SEMA3E: variants seen among roughly 807,000 people sequenced by gnomAD.
SEMA3E encodes the protein semaphorin 3E.
Under a neutral mutation model 93.6 loss-of-function variants are expected in SEMA3E, and 49 were observed. The observed-to-expected ratio is 0.52, with a 90% CI of 0.42 to 0.66. The LOEUF is 0.66. Ranked by LOEUF, SEMA3E falls within the 30% of genes least tolerant of loss-of-function variation. The pLI, the probability that SEMA3E is intolerant of heterozygous loss-of-function variation, is 0.00. For missense variants in SEMA3E, 906 were observed against 964.8 expected, an observed-to-expected ratio of 0.94 and a Z score of 0.81; for synonymous variants, 363 against 330.7, an observed-to-expected ratio of 1.10 and a Z score of -1.06.
intron 5 of SEMA3E, among the ~76,000 whole-genome samples, chr7:83,417,410 A>G (rs2115690275): frequency 6.6e-6 from 1 of 152,262 alleles, no homozygotes; most frequent in South Asian, 2.1e-4. Context: ...ATATGGTTTA[A>G]TCATCAGGAG....
At chr7:83,520,907 A>G (rs1039909643) in intron 1 of SEMA3E, among the ~76,000 whole-genome samples, 2 of 152,180 alleles carry the variant, frequency 1.3e-5, no homozygotes, top group African/African-American at 4.8e-5. Context: ...GGCTCCCAAT[A>G]GCAATCTGCC....
chr7:83,527,639 G>C (rs908658463), intron 1 of SEMA3E, among the ~76,000 whole-genome samples: 1 of 152,002 alleles, frequency 6.6e-6, no homozygotes, highest in African/African-American at 2.4e-5. Context: ...ATCAGCTTTG[G>C]GGTTTCAATA....
At chr7:83,624,933 C>A (rs570140907) in intron 1 of SEMA3E, among the ~76,000 whole-genome samples, 1 of 152,188 alleles carries the variant, frequency 6.6e-6, no homozygotes, top group South Asian at 2.1e-4. Flanking sequence ...AGTTTCAGTT[C>A]TCTGCATATA....
In SEMA3E at chr7:83,405,967, A is replaced by T. The variant is rs371575440; in HGVS notation, c.906T>A (p.Ile302=). 2 of 1,612,612 alleles carry T rather than the reference A, an allele frequency of 1.2e-6. No homozygotes were observed. Among genetic ancestry groups the T allele is most frequent in the African/African-American group, 2.7e-5 (2 of 74,988 alleles). ...TACCTAATTCATCAAAATATGTGTC[A>T]ATTCCATTCATTCCTGGTACTGAGC... ...LVCSVPGMNG[I]DTYFDELEDV... is the part of the protein sequence containing the mutation. The change falls in exon 8 of 17, where the codon ATT becomes ATA. Residue 302 remains isoleucine, a synonymous_variant. Transcript: ENST00000643230.
intron 4 of SEMA3E, among the ~76,000 whole-genome samples, chr7:83,459,251 G>A (rs968797518): frequency 6.6e-6 from 1 of 151,960 alleles, no homozygotes; most frequent in East Asian, 1.9e-4. Context: ...CTTTACATTA[G>A]AAAGAGATTA....
At chr7:83,501,559 T>A (rs764925557) in intron 1 of SEMA3E, among the ~76,000 whole-genome samples, 2 of 152,100 alleles carry the variant, frequency 1.3e-5, no homozygotes, top group Non-Finnish European at 2.9e-5. Context: ...TTCAAGCAAT[T>A]TTTGTGCCTC....
At chr7:83,533,666 C>G (rs1791351788) in intron 1 of SEMA3E, among the ~76,000 whole-genome samples, 1 of 152,162 alleles carries the variant, frequency 6.6e-6, no homozygotes, top group Admixed American at 6.5e-5. Context: ...AGAAGTCCTT[C>G]ACCTGAGACA....
intron 4 of SEMA3E, among the ~76,000 whole-genome samples, chr7:83,456,964 A>G (rs1195695941): frequency 6.6e-6 from 1 of 152,162 alleles, no homozygotes; most frequent in East Asian, 1.9e-4. Flanking sequence ...TTATTATGTC[A>G]CTATTCAGTA....
intron 4 of SEMA3E, among the ~76,000 whole-genome samples, chr7:83,465,295 G>T: frequency 6.6e-6 from 1 of 151,932 alleles, no homozygotes; most frequent in East Asian, 1.9e-4. Flanking sequence ...TCTCTTTTCA[G>T]ACTCAGCCCG....
At chr7:83,427,964 G>A (rs1253940256) in intron 4 of SEMA3E, among the ~76,000 whole-genome samples, 2 of 152,162 alleles carry the variant, frequency 1.3e-5, no homozygotes, top group Non-Finnish European at 1.5e-5. Context: ...ATTAACATGT[G>A]GGCTGCATTT....
At chr7:83,541,069 G>A (rs934790379) in intron 1 of SEMA3E, among the ~76,000 whole-genome samples, 8 of 152,190 alleles carry the variant, frequency 5.3e-5, no homozygotes, top group Non-Finnish European at 1.0e-4. Context: ...ACCCTTAGGG[G>A]AAGGCTTAAA....
At chr7:83,470,258 C>G (rs888266149) in intron 2 of SEMA3E, among the ~76,000 whole-genome samples, 46 of 152,244 alleles carry the variant, frequency 3.0e-4, no homozygotes, top group African/African-American at 9.6e-4. Flanking sequence ...CCTGAGACCA[C>G]AAGCAGAAAT....
chr7:83,610,592 G>A lies in SEMA3E; in HGVS notation c.115+37836C>T, dbSNP rs376956001. On this transcript the variant is annotated intron_variant, in intron 1 of 16. Coordinates refer to ENST00000643230, the MANE Select transcript of SEMA3E (RefSeq NM_012431.3). ...CTTGAATTTTAAATACCTTGTTAGG[G>A]GCTAATGTATGTCCCTCTTAATATT... is the stretch of plus-strand genomic sequence containing the variant. Among the ~76,000 whole-genome samples the A allele has an allele frequency of 5.7e-4, 86 of 152,048 alleles. 1 individual carries two copies. The South Asian group carries it at 0.018, about 31-fold the overall frequency.
intron 16 of SEMA3E, among the ~76,000 whole-genome samples, chr7:83,369,763 T>G (rs73709851): frequency 0.051 from 7,695 of 152,230 alleles, 324 homozygotes; most frequent in African/African-American, 0.11. Flanking sequence ...GCAACTAACT[T>G]TTAAAGGACT....
At chr7:83,406,654 GT>G (rs1788336189) in intron 7 of SEMA3E, among the ~76,000 whole-genome samples, 1 of 151,834 alleles carries the variant, frequency 6.6e-6, no homozygotes, top group Admixed American at 6.6e-5. Flanking sequence ...ACTCCTATTG[GT>G]TTTAAATGTT....
At chr7:83,474,549 C>T (rs951583319) in intron 2 of SEMA3E, among the ~76,000 whole-genome samples, 3 of 151,878 alleles carry the variant, frequency 2.0e-5, no homozygotes, top group African/African-American at 7.3e-5. Context: ...TTTGATGTTG[C>T]AACACAAGAA....
intron 14 of SEMA3E, among the ~76,000 whole-genome samples, chr7:83,388,569 A>C (rs1293377331): frequency 2.0e-5 from 3 of 151,920 alleles, no homozygotes; most frequent in Non-Finnish European, 4.4e-5. Context: ...AGACTGAGGG[A>C]AAAACAGAAG....
intron 1 of SEMA3E, among the ~76,000 whole-genome samples, chr7:83,507,299 C>T (rs1472264808): frequency 4.6e-5 from 7 of 152,106 alleles, no homozygotes; most frequent in African/African-American, 1.7e-4. Flanking sequence ...AGGGAGCCTC[C>T]ACCACTGGAA....
At chr7:83,410,372 T>C (rs1303526373) in intron 5 of SEMA3E, among the ~76,000 whole-genome samples, 1 of 152,026 alleles carries the variant, frequency 6.6e-6, no homozygotes, top group East Asian at 1.9e-4. Flanking sequence ...GTTGAGTTCT[T>C]CTAGTATATT....
Sources: allele counts gnomAD v4.1 joint callset (sites outside exome capture counted in the v4.1 genomes callset), GRCh38; gene constraint gnomAD v4.1.1; transcripts MANE v1.5; gene names NCBI Gene and HGNC (gene_info 2026-07-23, HGNC 2026-07-21).